The following SSBP3 variants were observed in gnomAD, a reference collection of about 807,000 sequenced individuals.
The protein encoded by SSBP3 is single-stranded DNA-binding protein 3.
A neutral mutation model predicts 69.6 loss-of-function variants in SSBP3; 5 were observed. The ratio of observed to expected loss-of-function variants is 0.07; its 90% CI spans 0.04 to 0.15. The LOEUF (loss-of-function observed/expected upper bound fraction) is 0.15. Ranked by LOEUF, SSBP3 falls within the 10% of genes least tolerant of loss-of-function variation. SSBP3 has a pLI of 1.00. For missense variants in SSBP3, 312 were observed against 534.0 expected, an observed-to-expected ratio of 0.58 and a Z score of 4.10; for synonymous variants, 196 against 193.4, an observed-to-expected ratio of 1.01 and a Z score of -0.11.
chr1:54,240,897 G>A lies in SSBP3; in HGVS notation c.856+8C>T, dbSNP rs757920800. ...CAGACCCCCCACTTTCCCCTCAAGC[G>A]CTCTTACCTGCGGGACTGGGCATAA... On this transcript the variant is annotated splice_region_variant and intron_variant, in intron 13 of 17. Coordinates refer to ENST00000610401, the Ensembl canonical transcript of SSBP3. 37 of 1,612,160 alleles carry A rather than the reference G, an allele frequency of 2.3e-5. No homozygotes were observed. Among genetic ancestry groups the A allele is most frequent in the East Asian group, 2.2e-4 (10 of 44,576 alleles).
chr1:54,230,769 GT>G (rs1453771234), intron 14 of SSBP3, among the ~76,000 whole-genome samples: 1 of 152,140 alleles, frequency 6.6e-6, no homozygotes, highest in African/African-American at 2.4e-5. Context: ...ATAGAATCAC[GT>G]GAGCTTTTGT....
At chr1:54,275,553 G>T (rs1645269603) in intron 5 of SSBP3, among the ~76,000 whole-genome samples, 1 of 152,198 alleles carries the variant, frequency 6.6e-6, no homozygotes, top group Non-Finnish European at 1.5e-5. Flanking sequence ...CCAGGGGTAT[G>T]TTCTCATTTA....
intron 4 of SSBP3, among the ~76,000 whole-genome samples, chr1:54,392,309 C>T (rs1198781512): frequency 2.0e-5 from 3 of 152,222 alleles, no homozygotes; most frequent in Non-Finnish European, 4.4e-5. Flanking sequence ...TTGCTTGTCT[C>T]TTGACCCAAG....
intron 4 of SSBP3, among the ~76,000 whole-genome samples, chr1:54,387,304 C>T (rs1015461686): frequency 6.6e-6 from 1 of 152,196 alleles, no homozygotes; most frequent in East Asian, 1.9e-4. Flanking sequence ...CTGCTTAAAG[C>T]TGAAATCCAA....
chr1:54,378,404 A>G (rs1298247514), intron 4 of SSBP3, among the ~76,000 whole-genome samples: 1 of 152,228 alleles, frequency 6.6e-6, no homozygotes, highest in Non-Finnish European at 1.5e-5. Context: ...GCCACTGCAC[A>G]AAGAACTCCA....
At chr1:54,333,643 G>C (rs909180478) in intron 4 of SSBP3, among the ~76,000 whole-genome samples, 1 of 152,170 alleles carries the variant, frequency 6.6e-6, no homozygotes, top group Non-Finnish European at 1.5e-5. Context: ...CGTATAAGCT[G>C]TATCATCTTG....
At chr1:54,246,850 C>A (rs564343998) in intron 9 of SSBP3, among the ~76,000 whole-genome samples, 1 of 152,378 alleles carries the variant, frequency 6.6e-6, no homozygotes, top group East Asian at 1.9e-4. Flanking sequence ...TCACATAGGG[C>A]AGGAATGCCC....
At chr1:54,401,271 T>C (rs1337844665) in intron 4 of SSBP3, among the ~76,000 whole-genome samples, 1 of 152,192 alleles carries the variant, frequency 6.6e-6, no homozygotes, top group Non-Finnish European at 1.5e-5. Flanking sequence ...TACAATCTGA[T>C]GTTAACTAGC....
chr1:54,366,102 G>T (rs1647025712), intron 4 of SSBP3, among the ~76,000 whole-genome samples: 1 of 152,126 alleles, frequency 6.6e-6, no homozygotes, highest in African/African-American at 2.4e-5. Context: ...ACTTTTTCCA[G>T]AAAGTCTTCC....
intron 9 of SSBP3, among the ~76,000 whole-genome samples, chr1:54,250,859 G>A (rs1361278576): frequency 6.6e-6 from 1 of 152,232 alleles, no homozygotes; most frequent in Non-Finnish European, 1.5e-5. Flanking sequence ...ACACCTGTCA[G>A]CGCCAACACC....
intron 4 of SSBP3, among the ~76,000 whole-genome samples, chr1:54,299,208 C>G (rs927147871): frequency 6.6e-6 from 1 of 152,202 alleles, no homozygotes; most frequent in East Asian, 1.9e-4. Context: ...CAAGTACACA[C>G]ACACACCCAT....
chr1:54,316,175 A>C (rs943578589), intron 4 of SSBP3, among the ~76,000 whole-genome samples: 2 of 149,536 alleles, frequency 1.3e-5, no homozygotes, highest in African/African-American at 2.5e-5. Flanking sequence ...TGAAACCCCA[A>C]CTCTATTAAA....
intron 4 of SSBP3, among the ~76,000 whole-genome samples, chr1:54,353,441 G>A (rs564687922): frequency 6.6e-6 from 1 of 152,276 alleles, no homozygotes; most frequent in Admixed American, 6.5e-5. Flanking sequence ...ATCCTCAGAA[G>A]CTTCAGCCTT....
chr1:54,265,201 G>A (rs1428807739), intron 5 of SSBP3, among the ~76,000 whole-genome samples: 2 of 152,178 alleles, frequency 1.3e-5, no homozygotes, highest in African/African-American at 4.8e-5. Context: ...GGGGAGGAAG[G>A]GAAAGCAAGT....
chr1:54,338,933 C>G (rs1646558632), intron 4 of SSBP3, among the ~76,000 whole-genome samples: 1 of 152,206 alleles, frequency 6.6e-6, no homozygotes, highest in East Asian at 1.9e-4. Flanking sequence ...TGCAAGAAAT[C>G]CCCAAATAGG....
intron 4 of SSBP3, among the ~76,000 whole-genome samples, chr1:54,299,806 A>T (rs555169890): frequency 6.6e-6 from 1 of 152,028 alleles, no homozygotes; most frequent in South Asian, 2.1e-4. Flanking sequence ...TCAAACCCAG[A>T]TCGCTCACAC....
upstream of SSBP3, among the ~76,000 whole-genome samples, chr1:54,407,065 G>T (rs1373051717): frequency 6.6e-6 from 1 of 152,042 alleles, no homozygotes; most frequent in Non-Finnish European, 1.5e-5. Context: ...GAGGCGCGCG[G>T]CTGCTCCTTT....
Position 54,304,909 on chromosome 1 carries a change from C to A in SSBP3, c.277-23382G>T, listed in dbSNP as rs563914886. Among the ~76,000 whole-genome samples the A allele has an allele frequency of 3.3e-5, 5 of 152,242 alleles. No homozygotes were observed. The East Asian group carries it at 9.7e-4, about 29-fold the overall frequency. The stretch of plus-strand genomic sequence containing the variant: ...AAACAGAGAAACACATTCTCAGAGC[C>A]TGGAAGACCACCACCACCACCCCCA... On this transcript the variant is annotated intron_variant, in intron 4 of 17. Transcript: ENST00000610401.
intron 4 of SSBP3, among the ~76,000 whole-genome samples, chr1:54,343,898 G>A (rs924625178): frequency 6.6e-6 from 1 of 152,242 alleles, no homozygotes; most frequent in Admixed American, 6.5e-5. Flanking sequence ...CACTAGCAGG[G>A]AAGTGTGTTA....
Sources: allele counts gnomAD v4.1 joint callset (sites outside exome capture counted in the v4.1 genomes callset), GRCh38; gene constraint gnomAD v4.1.1; transcripts MANE v1.5; gene names NCBI Gene and HGNC (gene_info 2026-07-23, HGNC 2026-07-21).